Variants in LSAMP observed in about 807,000 individuals in gnomAD.
LSAMP encodes limbic system-associated membrane protein.
A neutral mutation model predicts 38.6 loss-of-function variants in LSAMP; 7 were observed. The observed-to-expected ratio is 0.18, with a 90% CI of 0.10 to 0.34. LSAMP has a LOEUF of 0.34. LSAMP is among the 10% of genes least tolerant of loss of function. The pLI, the probability that LSAMP is intolerant of heterozygous loss-of-function variation, is 1.00. For synonymous variants in LSAMP, 154 were observed against 166.8 expected (o/e 0.92, Z 0.59); for missense variants, 313 against 420.0 (o/e 0.75, Z 2.23).
chr3:116,128,387 CTGACTAAA>C (rs1709053266), intron 1 of LSAMP, among the ~76,000 whole-genome samples: 1 of 152,194 alleles, frequency 6.6e-6, no homozygotes, highest in African/African-American at 2.4e-5. Context: ...ATACTTTTCC[CTGACTAAA>C]TGATGTTCTT....
At chr3:115,907,261 TTTATATGTTG>T (rs2107497251) in intron 3 of LSAMP, among the ~76,000 whole-genome samples, 1 of 152,140 alleles carries the variant, frequency 6.6e-6, no homozygotes, top group Admixed American at 6.6e-5. Flanking sequence ...CCGCATAAAA[TTTATATGTTG>T]CAACCTAATC....
At chr3:116,043,433 A>G (rs1418548347) in intron 2 of LSAMP, among the ~76,000 whole-genome samples, 1 of 152,182 alleles carries the variant, frequency 6.6e-6, no homozygotes, top group Non-Finnish European at 1.5e-5. Flanking sequence ...TGCTTGAGGA[A>G]GGAATGATGG....
At chr3:116,000,099 CAAGAG>C (rs757004882) in intron 3 of LSAMP, among the ~76,000 whole-genome samples, 157 of 152,232 alleles carry the variant, frequency 1.0e-3, no homozygotes, top group Non-Finnish European at 1.9e-3. Flanking sequence ...TACCCAGTAT[CAAGAG>C]AAGATTCAAG....
chr3:116,060,199 T>TTC (rs1941568636), intron 2 of LSAMP, among the ~76,000 whole-genome samples: 3 of 35,512 alleles, frequency 8.4e-5, no homozygotes, highest in African/African-American at 6.3e-4. Flanking sequence ...AGCAACATAG[T>TTC]TTTTTTTTTT....
intron 3 of LSAMP, among the ~76,000 whole-genome samples, chr3:115,942,664 G>A (rs1313034872): frequency 6.6e-6 from 1 of 152,116 alleles, no homozygotes; most frequent in Non-Finnish European, 1.5e-5. Context: ...ATGTGCTAAT[G>A]TTGTTAAAAT....
At chr3:115,867,689 A>G (rs911489993) in intron 3 of LSAMP, among the ~76,000 whole-genome samples, 1 of 152,154 alleles carries the variant, frequency 6.6e-6, no homozygotes, top group Admixed American at 6.6e-5. Context: ...CAGAATTGCA[A>G]GAGCCTAAAG....
At position 115,818,015 on chromosome 3, in the gene LSAMP, A is replaced by C. The variant is rs1934085490; in HGVS notation, c.920-7601T>G. 2.6e-5 allele frequency among the ~76,000 whole-genome samples: 4 copies of C among 152,234 alleles called. No individual in the cohort carries two copies. In the South Asian group the frequency reaches 8.3e-4, roughly 31 times the overall value. On this transcript the variant is annotated intron_variant, in intron 6 of 6. Transcript: ENST00000490035. The stretch of plus-strand genomic sequence containing the variant: ...GCAGTGTGGAGAATATGTTCATGAA[A>C]ACATGAGGAAACTGAGGCCCAGAGA...
intron 1 of LSAMP, among the ~76,000 whole-genome samples, chr3:116,152,161 C>T (rs529102330): frequency 2.0e-5 from 3 of 152,162 alleles, no homozygotes; most frequent in South Asian, 2.1e-4. Flanking sequence ...AGGCTTTAAA[C>T]GTTGTAAATG....
At chr3:115,838,425 ACTTGT>A (rs1295903833) in intron 6 of LSAMP, among the ~76,000 whole-genome samples, 2 of 152,216 alleles carry the variant, frequency 1.3e-5, no homozygotes, top group Non-Finnish European at 2.9e-5. Flanking sequence ...AGATGGTGGA[ACTTGT>A]CTTGGTATCA....
chr3:115,828,598 G>A (rs146556789), intron 6 of LSAMP, among the ~76,000 whole-genome samples: 176 of 152,292 alleles, frequency 1.2e-3, no homozygotes, highest in African/African-American at 4.0e-3. Context: ...TCAAGATCCT[G>A]GTCTTCTCAC....
At chr3:116,329,600 G>A (rs1330632179) in intron 1 of LSAMP, among the ~76,000 whole-genome samples, 2 of 152,076 alleles carry the variant, frequency 1.3e-5, no homozygotes, top group African/African-American at 4.8e-5. Context: ...TACAAATGAA[G>A]TATGGTCCAA....
chr3:115,843,690 T>TTC (rs1330252611), intron 4 of LSAMP, among the ~76,000 whole-genome samples: 1 of 151,338 alleles, frequency 6.6e-6, no homozygotes, highest in African/African-American at 2.4e-5. Context: ...TTTCTGATAT[T>TTC]TTTTTTTTGT....
At chr3:116,354,612 C>T (rs1226649871) in intron 1 of LSAMP, among the ~76,000 whole-genome samples, 1 of 152,162 alleles carries the variant, frequency 6.6e-6, no homozygotes, top group Non-Finnish European at 1.5e-5. Flanking sequence ...TTAAAGCTGA[C>T]TTGGGCATTG....
intron 3 of LSAMP, among the ~76,000 whole-genome samples, chr3:115,892,553 T>C (rs898361793): frequency 6.6e-6 from 1 of 151,926 alleles, no homozygotes; most frequent in African/African-American, 2.4e-5. Flanking sequence ...GTTACCCTTC[T>C]AGCAGGTAGG....
chr3:116,215,849 T>A (rs540764763), intron 1 of LSAMP, among the ~76,000 whole-genome samples: 2 of 152,306 alleles, frequency 1.3e-5, no homozygotes, highest in East Asian at 3.9e-4. Context: ...TGGCAGTGAA[T>A]AACATGCTTA....
At chr3:116,127,064 T>C (rs1277546207) in intron 1 of LSAMP, among the ~76,000 whole-genome samples, 2 of 152,210 alleles carry the variant, frequency 1.3e-5, no homozygotes, top group African/African-American at 2.4e-5. Flanking sequence ...AAAATTCTCT[T>C]ATGCCTGGAT....
At chr3:116,202,454 C>CT (rs994225989) in intron 1 of LSAMP, among the ~76,000 whole-genome samples, 3 of 151,538 alleles carry the variant, frequency 2.0e-5, no homozygotes, top group South Asian at 4.2e-4. Context: ...GTTTCCTTCT[C>CT]TTTTTTTTGA....
rs150883028 is a variant in LSAMP at position 116,298,821 on chromosome 3, A to G, written c.155+146056T>C. ...TACTGGTTTATTTCCCGTTATATTT[A>G]GAGTTTCTGCTTCTGTGCCAGGTCC... On this transcript the variant is annotated intron_variant, in intron 1 of 6. Coordinates refer to ENST00000490035, the MANE Select transcript of LSAMP (RefSeq NM_002338.5). Among the ~76,000 whole-genome samples the G allele has an allele frequency of 3.5e-3, 536 of 152,244 alleles. 4 individuals are homozygous for G. The highest frequency in any genetic ancestry group is 0.012 in the African/African-American group (518 of 41,540).
chr3:115,940,017 A>C (rs1937856928), intron 3 of LSAMP, among the ~76,000 whole-genome samples: 1 of 151,886 alleles, frequency 6.6e-6, no homozygotes, highest in South Asian at 2.1e-4. Context: ...GGTCTCACAG[A>C]CTTCAGGAGT....
Sources: gnomAD v4.1 joint callset for allele counts (sites outside exome capture counted in the v4.1 genomes callset) on GRCh38, gnomAD v4.1.1 for gene constraint, MANE v1.5 for transcripts, NCBI Gene and HGNC (gene_info 2026-07-23, HGNC 2026-07-21) for gene names.